SCAI: variants seen among roughly 807,000 people sequenced by gnomAD.
SCAI encodes protein SCAI.
SCAI carries 24 observed loss-of-function variants against 92.2 expected under a neutral mutation model. The observed-to-expected ratio is 0.26, with a 90% CI of 0.19 to 0.37. The LOEUF is 0.37. Ranked by LOEUF, SCAI falls within the 10% of genes least tolerant of loss-of-function variation. The probability of loss-of-function intolerance (pLI) is 1.00; values close to 1 mark genes in which losing one functional copy is unlikely to be tolerated. For synonymous variants in SCAI, 261 were observed against 258.6 expected (o/e 1.01, Z -0.09); for missense variants, 450 against 736.2 (o/e 0.61, Z 4.50).
At chr9:125,018,195 A>G (rs896148195) in intron 9 of SCAI, among the ~76,000 whole-genome samples, 1 of 151,880 alleles carries the variant, frequency 6.6e-6, no homozygotes, top group Non-Finnish European at 1.5e-5. Flanking sequence ...CCCAGGTTCA[A>G]GTGATTCTCT....
chr9:125,102,000 G>A lies in SCAI; in HGVS notation c.98+40633C>T, dbSNP rs185260759. Among the ~76,000 whole-genome samples, 21 of 152,252 alleles carry A rather than the reference G, an allele frequency of 1.4e-4. No homozygotes were observed. The Middle Eastern group carries it at 0.01, about 74-fold the overall frequency. On this transcript the variant is annotated intron_variant, in intron 2 of 17. Coordinates refer to ENST00000336505, the MANE Select transcript of SCAI (RefSeq NM_001144877.3). Reference sequence around the variant, plus strand: ...TAGGCACATACTGGTCTAGGGCAAAGTTCTCAACTCCAACACTATGGACAC... The same window carrying A: ...TAGGCACATACTGGTCTAGGGCAAAATTCTCAACTCCAACACTATGGACAC...
chr9:125,119,576 T>C (rs887568714), intron 2 of SCAI, among the ~76,000 whole-genome samples: 3 of 152,248 alleles, frequency 2.0e-5, no homozygotes, highest in African/African-American at 7.2e-5. Flanking sequence ...CATCTTGTTC[T>C]TGTTCTTACA....
In SCAI at chr9:124,968,452, G is replaced by C. The variant is rs147184854; in HGVS notation, c.1674+2918C>G. The C allele has an allele frequency of 1.9e-4, 192 of 1,005,768 alleles. No homozygotes were observed. In the Middle Eastern group the frequency reaches 1.9e-3, roughly 10 times the overall value. The allele number at this position is 1,005,768 out of a possible 1,614,324, so 62.3% of individuals were successfully genotyped here. ...TCATAACGCTTGAGTCCACTGGATGGAGAAGATAACCAGATTTGCTTGTTT... is the reference window on the plus strand; with the variant it reads ...TCATAACGCTTGAGTCCACTGGATGCAGAAGATAACCAGATTTGCTTGTTT... On this transcript the variant is annotated intron_variant, in intron 17 of 17. Coordinates refer to ENST00000336505, the MANE Select transcript of SCAI (RefSeq NM_001144877.3).
chr9:125,008,922 A>G (rs867150819), intron 9 of SCAI, among the ~76,000 whole-genome samples: 1 of 152,222 alleles, frequency 6.6e-6, no homozygotes, highest in South Asian at 2.1e-4. Flanking sequence ...GCAAAGAATC[A>G]AAGAAAGTGA....
intron 3 of SCAI, among the ~76,000 whole-genome samples, chr9:125,039,235 G>T (rs1453095137): frequency 1.3e-5 from 2 of 151,786 alleles, no homozygotes; most frequent in African/African-American, 4.8e-5. Flanking sequence ...AAATACAAAA[G>T]AATTAGCTAG....
intron 7 of SCAI, among the ~76,000 whole-genome samples, chr9:125,020,054 CAGAGCGAG>C (rs1394071560): frequency 7.7e-6 from 1 of 129,604 alleles, no homozygotes; most frequent in Non-Finnish European, 1.5e-5. Flanking sequence ...AGCTGGATGA[CAGAGCGAG>C]ACCTTGTCTC....
chr9:125,076,108 C>T (rs1165684934), intron 2 of SCAI, among the ~76,000 whole-genome samples: 3 of 152,166 alleles, frequency 2.0e-5, no homozygotes, highest in East Asian at 3.8e-4. Flanking sequence ...AGGGGACACT[C>T]GAGCAACATC....
rs1419176529 is a variant in SCAI, at chr9:125,091,928, G to A, written c.99-35921C>T. ...AGATCGAGACCATCCTGGCTAACAC[G>A]ATGAAACCCCGTCTCTACCAAAAAT... On this transcript the variant is annotated intron_variant, in intron 2 of 17. Transcript: ENST00000336505. The surrounding 1 kb of genome is among the most constrained non-coding windows in gnomAD (Gnocchi z 4.3). Among the ~76,000 whole-genome samples, 7 of 151,850 alleles carry A rather than the reference G, an allele frequency of 4.6e-5. No homozygotes were observed. Among genetic ancestry groups the A allele is most frequent in the Admixed American group, 6.6e-5 (1 of 15,242 alleles).
chr9:125,096,252 ACTCC>A (rs544272350), intron 2 of SCAI, among the ~76,000 whole-genome samples: 100 of 151,998 alleles, frequency 6.6e-4, no homozygotes, highest in African/African-American at 2.4e-3. Flanking sequence ...GTGCAGGGGA[ACTCC>A]CCCTTGCAGA....
intron 6 of SCAI, among the ~76,000 whole-genome samples, chr9:125,026,201 T>C (rs1203082117): frequency 1.3e-5 from 2 of 151,986 alleles, no homozygotes; most frequent in East Asian, 1.9e-4. Flanking sequence ...TGAAACCCCA[T>C]CTCTACTAAA....
At position 125,019,224 on chromosome 9, in the gene SCAI, C is replaced by CA; in HGVS notation, c.610-20dup. On this transcript the variant is annotated intron_variant, in intron 7 of 17. Coordinates refer to ENST00000336505, the MANE Select transcript of SCAI (RefSeq NM_001144877.3). Reference sequence around the variant, plus strand: ...ACAATTCCTGATTTTAAAAACATCACAAAAAAGGTTATTAAAAAACCCATA... The same window carrying CA: ...ACAATTCCTGATTTTAAAAACATCACAAAAAAAGGTTATTAAAAAACCCATA... 7.2e-7 allele frequency: 1 copy of CA among 1,393,538 alleles called. No individual in the cohort carries two copies. The highest frequency in any genetic ancestry group is 1.2e-5 in the South Asian group (1 of 80,222). The allele number at this position is 1,393,538 out of a possible 1,614,324, so 86.3% of individuals were successfully genotyped here. A position where few individuals can be genotyped will look rare whatever the true frequency, so the allele number is the denominator to read the frequency against.
chr9:125,112,777 A>G (rs918064152), intron 2 of SCAI, among the ~76,000 whole-genome samples: 5 of 152,240 alleles, frequency 3.3e-5, no homozygotes, highest in Non-Finnish European at 5.9e-5. Flanking sequence ...AATATACAAG[A>G]TGAACCTGGA....
At position 124,952,900 on chromosome 9, in the gene SCAI, C is replaced by T. The variant is rs1243606575; in HGVS notation, c.1728G>A (p.Val576=). The T allele has an allele frequency of 6.2e-7, 1 of 1,613,536 alleles. No individual in the cohort carries two copies. The highest frequency in any genetic ancestry group is 8.5e-7 in the Non-Finnish European group (1 of 1,179,640). The part of the protein sequence containing the change: ...SYPQLPRDET[V]ENPHLQKHIL... ...TGTGCTTCTGGAGATGAGGATTCTCCACTGTTTCATCCCTTGGCAGTTGTG... is the reference window on the plus strand; with the variant it reads ...TGTGCTTCTGGAGATGAGGATTCTCTACTGTTTCATCCCTTGGCAGTTGTG... The change falls in exon 18 of 18, where the codon GTG becomes GTA. Residue 576 remains valine, a synonymous_variant. Transcript: ENST00000336505.
intron 7 of SCAI, 69 bp downstream of exon 7, chr9:125,020,604 G>GT: frequency 2.9e-6 from 2 of 682,050 alleles, no homozygotes; most frequent in South Asian, 2.0e-5. Flanking sequence ...CCTAAAATCT[G>GT]TTTTTTAAAA....
At chr9:125,108,204 T>G (rs967548187) in intron 2 of SCAI, among the ~76,000 whole-genome samples, 5 of 135,342 alleles carry the variant, frequency 3.7e-5, no homozygotes, top group African/African-American at 1.4e-4. Context: ...CCCAGCCGCC[T>G]GCCTTGGCCT....
At chr9:124,973,720 G>A (rs893597246) in intron 15 of SCAI, among the ~76,000 whole-genome samples, 9 of 152,110 alleles carry the variant, frequency 5.9e-5, no homozygotes, top group South Asian at 4.1e-4. Context: ...CCAGCTTCTC[G>A]GGACGCTGAG....
intron 3 of SCAI, among the ~76,000 whole-genome samples, chr9:125,032,195 A>ATTTT (rs71374219): frequency 1.0e-3 from 103 of 99,412 alleles, no homozygotes; most frequent in African/African-American, 3.8e-3. Context: ...ATATATATAT[A>ATTTT]TTTTTTTTTT....
intron 2 of SCAI, among the ~76,000 whole-genome samples, chr9:125,113,831 G>T (rs1408293662): frequency 1.3e-5 from 2 of 152,012 alleles, no homozygotes; most frequent in Non-Finnish European, 2.9e-5. Context: ...GCGTGGTGGT[G>T]CATGCCTGTA....
At chr9:124,959,291 TG>T (rs1831386202) in intron 17 of SCAI, among the ~76,000 whole-genome samples, 1 of 127,982 alleles carries the variant, frequency 7.8e-6, no homozygotes, top group Admixed American at 8.2e-5. Flanking sequence ...GCATTTCAAA[TG>T]AAAAAAAAAA....
Sources: gnomAD v4.1 joint callset for allele counts (sites outside exome capture counted in the v4.1 genomes callset) on GRCh38, gnomAD v4.1.1 for gene constraint, Gnocchi (gnomAD v3.1) non-coding constraint, MANE v1.5 for transcripts, NCBI Gene and HGNC (gene_info 2026-07-23, HGNC 2026-07-21) for gene names.